Variants in PPP4R3A observed in about 807,000 individuals in gnomAD.
PPP4R3A encodes the protein serine/threonine-protein phosphatase 4 regulatory subunit 3A.
In PPP4R3A, 15 loss-of-function variants were observed where a neutral mutation model predicts 91.7. The ratio of observed to expected loss-of-function variants is 0.16; its 90% CI spans 0.11 to 0.25. The LOEUF (loss-of-function observed/expected upper bound fraction) is 0.25. Among genes scored for constraint, PPP4R3A ranks in the 10% least tolerant of loss-of-function variants. The pLI, the probability that PPP4R3A is intolerant of heterozygous loss-of-function variation, is 1.00. For synonymous variants in PPP4R3A, 377 were observed against 348.7 expected, an observed-to-expected ratio of 1.08 and a Z score of -0.91; for missense variants, 623 against 998.4, an observed-to-expected ratio of 0.62 and a Z score of 5.07.
chr14:91,469,191 G>A (rs146219824), intron 10 of PPP4R3A, among the ~76,000 whole-genome samples: 55 of 151,082 alleles, frequency 3.6e-4, no homozygotes, highest in East Asian at 2.7e-3. Context: ...CAAGCTTAGC[G>A]TTCCAATAAT....
chr14:91,487,887 A>G (rs992925177), intron 2 of PPP4R3A, among the ~76,000 whole-genome samples: 5 of 152,128 alleles, frequency 3.3e-5, no homozygotes, highest in African/African-American at 1.2e-4. Context: ...CAATGTTTGT[A>G]TTTTTTGTAG....
chr14:91,477,550 G>C (rs1265308249), intron 4 of PPP4R3A, among the ~76,000 whole-genome samples: 1 of 152,090 alleles, frequency 6.6e-6, no homozygotes, highest in East Asian at 1.9e-4. Flanking sequence ...ATTGAGACTT[G>C]GATTTTAAAA....
At chr14:91,489,282 C>T (rs1890091485) in intron 2 of PPP4R3A, among the ~76,000 whole-genome samples, 1 of 152,002 alleles carries the variant, frequency 6.6e-6, no homozygotes, top group South Asian at 2.1e-4. Context: ...AACAACCTGC[C>T]CAAATTAGAT....
At chr14:91,495,059 C>G (rs1889646534) in intron 1 of PPP4R3A, among the ~76,000 whole-genome samples, 1 of 151,948 alleles carries the variant, frequency 6.6e-6, no homozygotes, top group South Asian at 2.1e-4. Flanking sequence ...TAAGCAGTTA[C>G]CTTGCAATTT....
chr14:91,489,320 C>A (rs985068592), intron 2 of PPP4R3A, among the ~76,000 whole-genome samples: 1 of 152,160 alleles, frequency 6.6e-6, no homozygotes, highest in Non-Finnish European at 1.5e-5. Flanking sequence ...TAAATACTTA[C>A]AATTATCAGC....
chr14:91,500,894 T>C (rs1394417702), intron 1 of PPP4R3A, among the ~76,000 whole-genome samples: 1 of 152,012 alleles, frequency 6.6e-6, no homozygotes, highest in Non-Finnish European at 1.5e-5. Flanking sequence ...TAGCTGGACA[T>C]GGTGGTATGT....
Position 91,476,951 on chromosome 14 carries a change from T to G in PPP4R3A, c.951A>C (p.Gln317His), listed in dbSNP as rs781144838. Residue 317 changes from glutamine (Q) to histidine (H), a missense_variant, in exon 5 of 15, where the codon CAA (glutamine) becomes CAC (histidine). By Grantham distance (24) the Gln-to-His change is conservative. Coordinates refer to ENST00000554943, the MANE Select transcript of PPP4R3A (RefSeq NM_001366432.2). ...DEKFLTDLFA[Q>H]LTDEATDEEK... ...CCTCATCTGTTGCTTCATCTGTTAG[T>G]TGTGCAAACAAATCTGTCAGAAATT... 1 of 1,603,428 alleles carries G rather than the reference T, an allele frequency of 6.2e-7. No individual in the cohort carries two copies. The highest frequency in any genetic ancestry group is 2.2e-5 in the East Asian group (1 of 44,688).
chr14:91,461,245 G>T, intron 14 of PPP4R3A, 136 bp downstream of exon 14: 4 of 755,852 alleles, frequency 5.3e-6, no homozygotes, highest in Non-Finnish European at 8.7e-6. Flanking sequence ...TCAAGCGGTG[G>T]GGGGGACTCA....
At position 91,509,658 on chromosome 14, in the gene PPP4R3A, G is replaced by C; in HGVS notation, c.-11C>G. 2 of 1,590,702 alleles carry C rather than the reference G, an allele frequency of 1.3e-6. No individual in the cohort carries two copies. The highest frequency in any genetic ancestry group is 1.7e-6 in the Non-Finnish European group (2 of 1,175,180). On this transcript the variant is annotated 5_prime_UTR_variant, in exon 1 of 15. Transcript: ENST00000554943. ...CCGGGTGTCGGTCATCGTGCCGCCCGGGAACCGGGGCGGGGGCCCCGCCAG... is the reference window on the plus strand; with the variant it reads ...CCGGGTGTCGGTCATCGTGCCGCCCCGGAACCGGGGCGGGGGCCCCGCCAG...
intron 2 of PPP4R3A, among the ~76,000 whole-genome samples, chr14:91,486,905 C>CA (rs769201002): frequency 0.53 from 45,548 of 86,454 alleles, 10,538 homozygotes; most frequent in Non-Finnish European, 0.56. Context: ...ACTCTGTCTC[C>CA]AAAAAAAAAA....
intron 5 of PPP4R3A, among the ~76,000 whole-genome samples, 191 bp from the exon 6 acceptor site, chr14:91,476,715 G>A (rs1025575835): frequency 2.0e-5 from 3 of 152,092 alleles, no homozygotes; most frequent in Non-Finnish European, 4.4e-5. Flanking sequence ...ACAGGTGCCC[G>A]CCACCATGCT....
At position 91,457,841 on chromosome 14, in the gene PPP4R3A, ATATT is replaced by A. The variant is rs1382572176; in HGVS notation, c.*914_*917del. On this transcript the variant is annotated 3_prime_UTR_variant, in exon 15 of 15. Coordinates refer to ENST00000554943, the MANE Select transcript of PPP4R3A (RefSeq NM_001366432.2). ...TTGCTGATGTAAATTTTAATATAAAATATTTAGTCACAAAATAGTATTGCTTTTG... is the reference window on the plus strand; with the variant it reads ...TTGCTGATGTAAATTTTAATATAAAATAGTCACAAAATAGTATTGCTTTTG... The A allele has an allele frequency of 2.6e-5, 4 of 152,726 alleles. No homozygotes were observed. Among genetic ancestry groups the A allele is most frequent in the East Asian group, 1.9e-4 (1 of 5,188 alleles). 9.5% of individuals were successfully genotyped at this position (152,726 alleles called of 1,614,324 possible). A position where few individuals can be genotyped will look rare whatever the true frequency, so the allele number is the denominator to read the frequency against.
intron 1 of PPP4R3A, among the ~76,000 whole-genome samples, chr14:91,496,334 A>G (rs1595083418): frequency 6.6e-6 from 1 of 152,178 alleles, no homozygotes; most frequent in African/African-American, 2.4e-5. Context: ...AAGAAGTCAG[A>G]AACACATAGC....
At chr14:91,493,642 T>TA (rs1237348646) in intron 1 of PPP4R3A, among the ~76,000 whole-genome samples, 1 of 34,190 alleles carries the variant, frequency 2.9e-5, no homozygotes, top group African/African-American at 1.8e-4. Flanking sequence ...AATATAAAAT[T>TA]TAAAAAAGGT....
intron 1 of PPP4R3A, among the ~76,000 whole-genome samples, chr14:91,498,807 G>A (rs1357509099): frequency 2.6e-5 from 4 of 151,834 alleles, no homozygotes; most frequent in African/African-American, 7.3e-5. Context: ...CCAGCCACTC[G>A]GGAGGCTGAG....
intron 1 of PPP4R3A, among the ~76,000 whole-genome samples, chr14:91,506,151 A>G (rs1224170742): frequency 2.6e-5 from 4 of 152,078 alleles, no homozygotes; most frequent in Non-Finnish European, 5.9e-5. Context: ...GTTTCACCAT[A>G]TTAGCCAGGA....
chr14:91,492,182 C>A (rs1490802664), intron 1 of PPP4R3A, among the ~76,000 whole-genome samples: 1 of 152,162 alleles, frequency 6.6e-6, no homozygotes, highest in Non-Finnish European at 1.5e-5. Context: ...ACTTCCCATA[C>A]CCCTCTCCTC....
intron 1 of PPP4R3A, among the ~76,000 whole-genome samples, chr14:91,503,136 T>C (rs1566656854): frequency 6.6e-6 from 1 of 152,130 alleles, no homozygotes; most frequent in Non-Finnish European, 1.5e-5. Context: ...TACAAGTATG[T>C]GCCACATGCC....
chr14:91,507,688 T>C (rs1337230085), intron 1 of PPP4R3A, among the ~76,000 whole-genome samples: 1 of 145,990 alleles, frequency 6.8e-6, no homozygotes, highest in Non-Finnish European at 1.5e-5. Context: ...CAGAAAAGCA[T>C]ACTTCTGATA....
Sources: gnomAD v4.1 joint callset for allele counts (sites outside exome capture counted in the v4.1 genomes callset) on GRCh38, gnomAD v4.1.1 for gene constraint, MANE v1.5 for transcripts, NCBI Gene and HGNC (gene_info 2026-07-23, HGNC 2026-07-21) for gene names.